The following RBFOX1 variants were observed in gnomAD, a reference collection of about 807,000 sequenced individuals.
The protein encoded by RBFOX1 is RNA binding protein fox-1 homolog 1.
RBFOX1 carries 8 observed loss-of-function variants against 57.7 expected under a neutral mutation model. That is an observed-to-expected ratio of 0.14 (90% CI 0.08 to 0.25). RBFOX1 has a LOEUF of 0.25. Ranked by LOEUF, RBFOX1 falls within the 10% of genes least tolerant of loss-of-function variation. The probability of loss-of-function intolerance (pLI) is 1.00; values close to 1 mark genes in which losing one functional copy is unlikely to be tolerated. For missense variants in RBFOX1, 611 were observed against 548.5 expected, an observed-to-expected ratio of 1.11 and a Z score of -1.14; for synonymous variants, 326 against 222.4, an observed-to-expected ratio of 1.47 and a Z score of -4.15.
At chr16:7,269,125 C>T (rs910744135) in intron 4 of RBFOX1, among the ~76,000 whole-genome samples, 1 of 147,760 alleles carries the variant, frequency 6.8e-6, no homozygotes, top group African/African-American at 2.5e-5. Context: ...TCGTCTTCCT[C>T]TGAAAAAATA....
At chr16:6,004,230 C>T (rs895376667) in intron 4 of RBFOX1, among the ~76,000 whole-genome samples, 3 of 152,094 alleles carry the variant, frequency 2.0e-5, no homozygotes, top group African/African-American at 7.2e-5. Context: ...AAAAAGAATA[C>T]CTGCTCTACA....
intron 4 of RBFOX1, among the ~76,000 whole-genome samples, chr16:7,128,677 G>C (rs2069298945): frequency 6.6e-6 from 1 of 152,124 alleles, no homozygotes; most frequent in Non-Finnish European, 1.5e-5. Context: ...AGTCCAGTTT[G>C]GATTCAGAGG....
chr16:7,444,649 T>C (rs2098794786), intron 4 of RBFOX1, among the ~76,000 whole-genome samples: 2 of 151,958 alleles, frequency 1.3e-5, no homozygotes, highest in South Asian at 4.1e-4. Flanking sequence ...CCTTCTACCT[T>C]TGTCTCCCAA....
intron 4 of RBFOX1, among the ~76,000 whole-genome samples, chr16:7,172,368 G>C (rs2080867487): frequency 6.6e-6 from 1 of 152,070 alleles, no homozygotes; most frequent in South Asian, 2.1e-4. Flanking sequence ...TATAATAAAA[G>C]TAAATCTTCC....
chr16:7,455,067 G>T (rs2058226263), intron 4 of RBFOX1, among the ~76,000 whole-genome samples: 1 of 152,166 alleles, frequency 6.6e-6, no homozygotes, highest in Non-Finnish European at 1.5e-5. Context: ...ACCATGCTAG[G>T]CACAACGGAT....
intron 1 of RBFOX1, among the ~76,000 whole-genome samples, chr16:6,161,718 C>T (rs531340691): frequency 4.2e-4 from 64 of 152,338 alleles, no homozygotes; most frequent in African/African-American, 1.5e-3. Flanking sequence ...TTGTCATCTA[C>T]ACACACCTGG....
chr16:5,286,250 C>T (rs1047777818), intron 1 of RBFOX1, among the ~76,000 whole-genome samples: 2 of 152,288 alleles, frequency 1.3e-5, no homozygotes, highest in African/African-American at 4.8e-5. Context: ...CCTGGGCCTC[C>T]AGGTGGCTTC....
At chr16:7,636,337 A>C (rs2061750750) in intron 11 of RBFOX1, among the ~76,000 whole-genome samples, 1 of 152,314 alleles carries the variant, frequency 6.6e-6, no homozygotes, top group African/African-American at 2.4e-5. Context: ...TCTCCTATTA[A>C]TGATCACCGT....
intron 3 of RBFOX1, among the ~76,000 whole-genome samples, chr16:7,013,856 C>T (rs116644206): frequency 0.023 from 3,465 of 152,174 alleles, 137 homozygotes; most frequent in African/African-American, 0.079. Flanking sequence ...TGGGGTCTCA[C>T]CATGTTACCC....
At chr16:7,239,563 G>A (rs544363777) in intron 4 of RBFOX1, among the ~76,000 whole-genome samples, 3 of 152,110 alleles carry the variant, frequency 2.0e-5, no homozygotes, top group Non-Finnish European at 4.4e-5. Context: ...AAATTGTCCT[G>A]TCAAGACCAT....
intron 1 of RBFOX1, among the ~76,000 whole-genome samples, chr16:6,055,650 A>T (rs17191656): frequency 0.33 from 49,376 of 149,128 alleles, 8,413 homozygotes; most frequent in Non-Finnish European, 0.37. Context: ...TCCTACTCTC[A>T]TGGAAGTTTG....
At chr16:6,961,193 G>A (rs941624054) in intron 3 of RBFOX1, among the ~76,000 whole-genome samples, 3 of 110,580 alleles carry the variant, frequency 2.7e-5, no homozygotes, top group Admixed American at 1.8e-4. Context: ...AGAAAAGAAA[G>A]ATTAAATGCA....
chr16:5,452,434 C>T (rs1203714956), intron 1 of RBFOX1, among the ~76,000 whole-genome samples: 1 of 151,930 alleles, frequency 6.6e-6, no homozygotes, highest in Non-Finnish European at 1.5e-5. Context: ...TTCTGCCTCT[C>T]ACATCTGATT....
chr16:6,585,401 T>G (rs900100350), intron 2 of RBFOX1, among the ~76,000 whole-genome samples: 5 of 152,212 alleles, frequency 3.3e-5, no homozygotes, highest in Non-Finnish European at 7.3e-5. Context: ...TTACTTCGAC[T>G]CTTTTTTCAA....
chr16:5,977,767 C>T (rs1393062198), intron 4 of RBFOX1, among the ~76,000 whole-genome samples: 1 of 152,096 alleles, frequency 6.6e-6, no homozygotes, highest in Non-Finnish European at 1.5e-5. Context: ...AGGCAACTAG[C>T]CCACTGTCCC....
intron 2 of RBFOX1, among the ~76,000 whole-genome samples, chr16:5,596,512 C>A (rs1055016015): frequency 5.9e-5 from 9 of 152,062 alleles, no homozygotes; most frequent in African/African-American, 1.7e-4. Context: ...GAGTGTGTCC[C>A]TAGACTAGAT....
intron 3 of RBFOX1, among the ~76,000 whole-genome samples, chr16:7,025,666 G>T (rs968015829): frequency 2.0e-5 from 3 of 152,246 alleles, no homozygotes; most frequent in Admixed American, 6.5e-5. Context: ...TCTTCATCAG[G>T]GGTGCTGGAG....
intron 15 of RBFOX1, chr16:7,709,976 T>A: frequency 9.9e-7 from 1 of 1,007,842 alleles, no homozygotes. Context: ...GAATTGCCAA[T>A]ACTTTTAGAA....
intron 1 of RBFOX1, among the ~76,000 whole-genome samples, chr16:6,218,313 A>G (rs887237335): frequency 3.3e-5 from 5 of 151,754 alleles, no homozygotes; most frequent in Non-Finnish European, 7.4e-5. Context: ...TTACTTATTT[A>G]TTTATTGTTT....
Sources: allele counts gnomAD v4.1 joint callset (sites outside exome capture counted in the v4.1 genomes callset), GRCh38; gene constraint gnomAD v4.1.1; transcripts MANE v1.5; gene names NCBI Gene and HGNC (gene_info 2026-07-23, HGNC 2026-07-21).